Variants in PSEN1 observed in about 807,000 individuals in gnomAD.
PSEN1 encodes the protein presenilin 1.
PSEN1 carries 15 observed loss-of-function variants against 53.5 expected under a neutral mutation model. That is an observed-to-expected ratio of 0.28 (90% CI 0.19 to 0.43). PSEN1 has a LOEUF of 0.43. PSEN1 is among the 20% of genes least tolerant of loss of function. The pLI is 1.00. For missense variants in PSEN1, 387 were observed against 571.2 expected, an observed-to-expected ratio of 0.68 and a Z score of 3.29; for synonymous variants, 208 against 209.8, an observed-to-expected ratio of 0.99 and a Z score of 0.08.
chr14:73,219,567 G>A lies in PSEN1; in HGVS notation c.*278G>A. 2.3e-6 allele frequency: 1 copy of A among 439,420 alleles called. No homozygotes were observed. Among genetic ancestry groups the A allele is most frequent in the Non-Finnish European group, 4.2e-6 (1 of 236,598 alleles). 27.2% of individuals were successfully genotyped at this position (439,420 alleles called of 1,614,324 possible). A position where few individuals can be genotyped will look rare whatever the true frequency, so the allele number is the denominator to read the frequency against. The stretch of plus-strand genomic sequence containing the variant: ...GGGACGAGGTCAAGGAGATATGATA[G>A]GCCCGGAAGTTGCTGTGCCCCATCA... On this transcript the variant is annotated 3_prime_UTR_variant, in exon 12 of 12. Coordinates refer to ENST00000324501, the MANE Select transcript of PSEN1 (RefSeq NM_000021.4).
intron 5 of PSEN1, among the ~76,000 whole-genome samples, chr14:73,181,792 G>A (rs1898222666): frequency 6.6e-6 from 1 of 151,122 alleles, no homozygotes; most frequent in Non-Finnish European, 1.5e-5. Flanking sequence ...ATTTTTTTTT[G>A]AGACAATGTC....
At chr14:73,193,759 C>G (rs1415823577) in intron 7 of PSEN1, among the ~76,000 whole-genome samples, 1 of 151,954 alleles carries the variant, frequency 6.6e-6, no homozygotes, top group Non-Finnish European at 1.5e-5. Flanking sequence ...CTGGCTCATG[C>G]GATCCTCCCA....
At chr14:73,142,569 A>G (rs1406580069) in intron 1 of PSEN1, among the ~76,000 whole-genome samples, 7 of 152,242 alleles carry the variant, frequency 4.6e-5, no homozygotes, top group African/African-American at 1.4e-4. Context: ...TTGTTGTTAC[A>G]TTGGGATGTA....
At chr14:73,210,031 G>C (rs778020454) in intron 9 of PSEN1, among the ~76,000 whole-genome samples, 1 of 152,208 alleles carries the variant, frequency 6.6e-6, no homozygotes, top group Non-Finnish European at 1.5e-5. Context: ...CCGGAAGGGA[G>C]GTGCTATCCC....
At chr14:73,194,659 C>T (rs1358353608) in intron 7 of PSEN1, among the ~76,000 whole-genome samples, 1 of 151,088 alleles carries the variant, frequency 6.6e-6, no homozygotes, top group African/African-American at 2.4e-5. Context: ...AGCTTCGCCT[C>T]CCAGGTTCAT....
intron 7 of PSEN1, among the ~76,000 whole-genome samples, chr14:73,195,228 A>C (rs940084179): frequency 2.0e-5 from 3 of 152,100 alleles, no homozygotes; most frequent in African/African-American, 7.2e-5. Flanking sequence ...GCTGGAGTGC[A>C]GTGGCGTGAT....
At chr14:73,191,341 T>TAG (rs1898705949) in intron 6 of PSEN1, among the ~76,000 whole-genome samples, 1 of 152,178 alleles carries the variant, frequency 6.6e-6, no homozygotes, top group African/African-American at 2.4e-5. Flanking sequence ...GTTATGCCTA[T>TAG]ACTCCATGTT....
Position 73,136,544 on chromosome 14 carries a change from C to T in PSEN1, c.-175C>T, listed in dbSNP as rs1896746962. ...GCGGCTGGTCTGGAAGGAACCTGAG[C>T]TACGAGCCGCGGCGGCAGCGGGGCG... On this transcript the variant is annotated 5_prime_UTR_variant, in exon 1 of 12. Coordinates refer to ENST00000324501, the MANE Select transcript of PSEN1 (RefSeq NM_000021.4). 1 of 153,074 alleles carries T rather than the reference C, an allele frequency of 6.5e-6. No individual in the cohort carries two copies. Among genetic ancestry groups the T allele is most frequent in the Non-Finnish European group, 1.5e-5 (1 of 68,368 alleles). 9.5% of individuals were successfully genotyped at this position (153,074 alleles called of 1,614,324 possible).
At chr14:73,211,640 A>G in intron 9 of PSEN1, 129 bp from the exon 10 acceptor site, 1 of 928,056 alleles carries the variant, frequency 1.1e-6, no homozygotes, top group Non-Finnish European at 1.7e-6. Context: ...AGGCACTGCT[A>G]CAGCCCATGC....
At chr14:73,141,790 G>T (rs1010241346) in intron 1 of PSEN1, among the ~76,000 whole-genome samples, 1 of 150,800 alleles carries the variant, frequency 6.6e-6, no homozygotes, top group Non-Finnish European at 1.5e-5. Flanking sequence ...CATCTTGGCC[G>T]GGTGCCGTGG....
At chr14:73,217,030 T>C (rs1228260441) in intron 10 of PSEN1, 96 bp from the exon 11 acceptor site, 1 of 1,308,166 alleles carries the variant, frequency 7.6e-7, no homozygotes. Flanking sequence ...CTTCTCTCAT[T>C]CATTGTGGGG....
At chr14:73,166,274 T>C (rs1357390225) in intron 3 of PSEN1, among the ~76,000 whole-genome samples, 1 of 152,158 alleles carries the variant, frequency 6.6e-6, no homozygotes, top group Non-Finnish European at 1.5e-5. Flanking sequence ...CCTTTCATGC[T>C]AGACTTAGCT....
intron 3 of PSEN1, among the ~76,000 whole-genome samples, chr14:73,157,653 C>A (rs1158901951): frequency 6.6e-6 from 1 of 152,068 alleles, no homozygotes; most frequent in Non-Finnish European, 1.5e-5. Context: ...CATCCCCAGG[C>A]AACCATGTTT....
chr14:73,200,912 G>A (rs1899153715), intron 8 of PSEN1, among the ~76,000 whole-genome samples: 1 of 151,996 alleles, frequency 6.6e-6, no homozygotes, highest in South Asian at 2.1e-4. Flanking sequence ...TCAGCTGGGT[G>A]TGGTGGTGCA....
chr14:73,200,738 T>C (rs1214805720), intron 8 of PSEN1, among the ~76,000 whole-genome samples: 1 of 152,108 alleles, frequency 6.6e-6, no homozygotes, highest in African/African-American at 2.4e-5. Context: ...TTCTGTTGAG[T>C]TACTGGAAAA....
Position 73,219,228 on chromosome 14 carries a change from C to A in PSEN1, c.1343C>A (p.Ala448Asp). The change falls in exon 12 of 12, where the codon GCC becomes GAC. Residue 448 changes from alanine (A) to aspartate (D), a missense_variant. By Grantham distance (126) the Ala-to-Asp change is moderately radical (BLOSUM62 -2). Coordinates refer to ENST00000324501, the MANE Select transcript of PSEN1 (RefSeq NM_000021.4). Reference sequence around the variant, plus strand: ...ACCTTTGGGCTTGTTTTCTACTTTGCCACAGATTATCTTGTACAGCCTTTT... The same window carrying A: ...ACCTTTGGGCTTGTTTTCTACTTTGACACAGATTATCTTGTACAGCCTTTT... ...SITFGLVFYF[A>D]TDYLVQPFMD... 1 of 1,613,642 alleles carries A rather than the reference C, an allele frequency of 6.2e-7. No individual in the cohort carries two copies. The highest frequency in any genetic ancestry group is 8.5e-7 in the Non-Finnish European group (1 of 1,179,556).
intron 1 of PSEN1, among the ~76,000 whole-genome samples, chr14:73,139,899 G>A (rs931423734): frequency 1.2e-4 from 18 of 152,246 alleles, no homozygotes; most frequent in African/African-American, 3.9e-4. Context: ...CGCCTTGTAC[G>A]GTTTCTTGTT....
At chr14:73,179,172 A>G (rs1382174275) in intron 5 of PSEN1, among the ~76,000 whole-genome samples, 1 of 152,188 alleles carries the variant, frequency 6.6e-6, no homozygotes, top group East Asian at 1.9e-4. Context: ...GAGAGAGAGA[A>G]ATAAAGCAAG....
chr14:73,171,036 G>C lies in PSEN1; in HGVS notation c.327G>C (p.Lys109Asn). ...AGTCAGTCAGCTTTTATACCCGGAA[G>C]GATGGGCAGCTGTACGTATGAGTTT... is the stretch of plus-strand genomic sequence containing the variant. ...TIKSVSFYTR[K>N]DGQLIYTPFT... is the part of the protein sequence containing the mutation. Residue 109 changes from lysine (K) to asparagine (N), a missense_variant, in exon 4 of 12, where the codon AAG becomes AAC. Around this residue, in one of 4 missense-constraint regions of PSEN1, gnomAD observed 169 missense variants for 299.7 expected, o/e 0.56. Coordinates refer to ENST00000324501, the MANE Select transcript of PSEN1 (RefSeq NM_000021.4). 6.2e-7 allele frequency: 1 copy of C among 1,614,188 alleles called. No individual in the cohort carries two copies. The highest frequency in any genetic ancestry group is 8.5e-7 in the Non-Finnish European group (1 of 1,180,044).
Sources: allele counts gnomAD v4.1 joint callset (sites outside exome capture counted in the v4.1 genomes callset), GRCh38; gene constraint gnomAD v4.1.1; regional missense constraint gnomAD v4.1.1; transcripts MANE v1.5; gene names NCBI Gene and HGNC (gene_info 2026-07-23, HGNC 2026-07-21).